Variants in VPS37A observed in about 807,000 individuals in gnomAD.
The protein encoded by VPS37A is vacuolar protein sorting-associated protein 37A.
Under a neutral mutation model 49.8 loss-of-function variants are expected in VPS37A, and 30 were observed. That is an observed-to-expected ratio of 0.60 (90% confidence interval 0.45 to 0.82). The LOEUF (loss-of-function observed/expected upper bound fraction) is 0.82, where lower values mean the gene tolerates loss of function less well. Among genes scored for constraint, VPS37A ranks in the 40% least tolerant of loss-of-function variants. The probability of loss-of-function intolerance (pLI) is 0.00; values close to 1 mark genes in which losing one functional copy is unlikely to be tolerated. For synonymous variants in VPS37A, 195 were observed against 160.6 expected, an observed-to-expected ratio of 1.21 and a Z score of -1.62; for missense variants, 593 against 464.4, an observed-to-expected ratio of 1.28 and a Z score of -2.55.
At chr8:17,262,474 A>G (rs1813043859) in intron 1 of VPS37A, among the ~76,000 whole-genome samples, 1 of 152,178 alleles carries the variant, frequency 6.6e-6, no homozygotes, top group Non-Finnish European at 1.5e-5. Context: ...GTAAAACCAT[A>G]GTAATTCTCT....
downstream of VPS37A, among the ~76,000 whole-genome samples, chr8:17,305,453 C>T (rs1384709894): frequency 6.6e-6 from 1 of 152,108 alleles, no homozygotes; most frequent in Admixed American, 6.6e-5. Flanking sequence ...CTAACCTTTT[C>T]CTTTTAAATG....
Position 17,247,376 on chromosome 8 carries a change from G to T in VPS37A, c.125+7G>T. Reference sequence around the variant, plus strand: ...TCCGGAACTCACACTCCAGGTGACTGGTCGCTGCCTCTCCACCGGAGGAAA... The same window carrying T: ...TCCGGAACTCACACTCCAGGTGACTTGTCGCTGCCTCTCCACCGGAGGAAA... On this transcript the variant is annotated splice_region_variant and intron_variant, in intron 1 of 11. Transcript: ENST00000324849. The T allele has an allele frequency of 6.5e-7, 1 of 1,542,808 alleles. No individual in the cohort carries two copies. Among genetic ancestry groups the T allele is most frequent in the Non-Finnish European group, 8.7e-7 (1 of 1,144,930 alleles).
chr8:17,304,746 CGT>C (rs10527892), downstream of VPS37A, among the ~76,000 whole-genome samples: 83,237 of 146,986 alleles, frequency 0.57, 24,932 homozygotes, highest in Middle Eastern at 0.72. Context: ...GTGTTCGATT[CGT>C]GTGTGTGTGT....
In VPS37A at chr8:17,259,660, A is replaced by G. The variant is rs79705241; in HGVS notation, c.126-6247A>G. Among the ~76,000 whole-genome samples the G allele has an allele frequency of 7.3e-3, 1,107 of 152,120 alleles. 12 individuals carry two copies. The highest frequency in any genetic ancestry group is 0.025 in the African/African-American group (1,045 of 41,536). ...TGTCTGGATGATCTTTGCATTACTGATAGTAGAGTGAAAGTCCCCTATAGT... is the reference window on the plus strand; with the variant it reads ...TGTCTGGATGATCTTTGCATTACTGGTAGTAGAGTGAAAGTCCCCTATAGT... On this transcript the variant is annotated intron_variant, in intron 1 of 11. Coordinates refer to ENST00000324849, the MANE Select transcript of VPS37A (RefSeq NM_152415.3).
At chr8:17,307,371 A>G (rs1205108658), downstream of VPS37A, among the ~76,000 whole-genome samples, 1 of 152,212 alleles carries the variant, frequency 6.6e-6, no homozygotes, top group Non-Finnish European at 1.5e-5. Context: ...GCGATCATTA[A>G]AAAGTCAGGA....
chr8:17,293,425 G>T (rs1464426407), intron 11 of VPS37A, among the ~76,000 whole-genome samples: 1 of 152,008 alleles, frequency 6.6e-6, no homozygotes, highest in Non-Finnish European at 1.5e-5. Context: ...GCTCTAAGGA[G>T]TTTATTACCC....
At chr8:17,319,913 G>T in the VPS37A span, among the ~76,000 whole-genome samples, 7 of 152,020 alleles carry the variant, frequency 4.6e-5, no homozygotes, top group Non-Finnish European at 8.8e-5. Flanking sequence ...CCCTAATACA[G>T]GACTCACTAG....
At chr8:17,277,308 C>G (rs1046250540) in intron 6 of VPS37A, among the ~76,000 whole-genome samples, 6 of 152,060 alleles carry the variant, frequency 3.9e-5, no homozygotes, top group African/African-American at 1.4e-4. Flanking sequence ...GGTTAATATG[C>G]ATTGTAATGC....
chr8:17,313,516 G>T, the VPS37A span: 6 of 621,454 alleles, frequency 9.7e-6, no homozygotes, highest in African/African-American at 1.8e-5. Flanking sequence ...GTATTTTCTG[G>T]AAGCAAGCCT....
the VPS37A span, among the ~76,000 whole-genome samples, chr8:17,332,556 T>C: frequency 2.6e-5 from 4 of 152,248 alleles, no homozygotes; most frequent in East Asian, 3.9e-4. Flanking sequence ...GATGAGCCCA[T>C]TGGAAGTTGA....
chr8:17,313,698 A>G, the VPS37A span, among the ~76,000 whole-genome samples: 1 of 152,320 alleles, frequency 6.6e-6, no homozygotes, highest in East Asian at 1.9e-4. Flanking sequence ...TCTGGCAGAA[A>G]ATATCGATTT....
the VPS37A span, among the ~76,000 whole-genome samples, chr8:17,322,984 G>A: frequency 8.3e-6 from 1 of 120,962 alleles, no homozygotes; most frequent in Non-Finnish European, 1.6e-5. Flanking sequence ...GTCTTGCTCT[G>A]TCGCCCAGGC....
At chr8:17,251,057 T>A (rs1811927944) in intron 1 of VPS37A, among the ~76,000 whole-genome samples, 1 of 152,308 alleles carries the variant, frequency 6.6e-6, no homozygotes, top group African/African-American at 2.4e-5. Context: ...GCTGACTTTA[T>A]GGACACTGTT....
downstream of VPS37A, chr8:17,302,006 C>G (rs1817149273): frequency 9.6e-7 from 1 of 1,037,378 alleles, no homozygotes; most frequent in African/African-American, 1.6e-5. Flanking sequence ...TATCTGAGTC[C>G]TGACCTGGAT....
chr8:17,331,635 C>G, the VPS37A span, among the ~76,000 whole-genome samples: 4 of 152,128 alleles, frequency 2.6e-5, no homozygotes, highest in Non-Finnish European at 5.9e-5. Flanking sequence ...CACACATAAC[C>G]GGTAGGTTGG....
downstream of VPS37A, chr8:17,305,780 G>A (rs1253971674): frequency 4.3e-6 from 7 of 1,612,604 alleles, 1 homozygote; most frequent in Non-Finnish European, 3.4e-6. Context: ...TCTCCTTTTG[G>A]CTGTTACATA....
At chr8:17,267,019 C>T (rs1292175691) in intron 2 of VPS37A, among the ~76,000 whole-genome samples, 1 of 152,126 alleles carries the variant, frequency 6.6e-6, no homozygotes, top group African/African-American at 2.4e-5. Flanking sequence ...GATACACCCG[C>T]CTCGGCCTCC....
intron 2 of VPS37A, among the ~76,000 whole-genome samples, chr8:17,267,865 A>C (rs1193581258): frequency 6.6e-6 from 1 of 152,156 alleles, no homozygotes; most frequent in Non-Finnish European, 1.5e-5. Context: ...ACAGAAAATT[A>C]TATGGCTAGA....
chr8:17,285,981 T>C (rs765060595), intron 10 of VPS37A, among the ~76,000 whole-genome samples: 3 of 152,196 alleles, frequency 2.0e-5, no homozygotes, highest in Non-Finnish European at 4.4e-5. Context: ...AATTATTAGA[T>C]TACTACCTAA....
Sources: allele counts gnomAD v4.1 joint callset (sites outside exome capture counted in the v4.1 genomes callset), GRCh38; gene constraint gnomAD v4.1.1; transcripts MANE v1.5; gene names NCBI Gene and HGNC (gene_info 2026-07-23, HGNC 2026-07-21).